MGMT: variants seen among roughly 807,000 people sequenced by gnomAD.
MGMT encodes the protein O-6-methylguanine-DNA methyltransferase.
Under a neutral mutation model 15.9 loss-of-function variants are expected in MGMT, and 14 were observed. The observed-to-expected ratio is 0.88, with a 90% CI of 0.58 to 1.37. MGMT has a LOEUF of 1.37. Among genes scored for constraint, MGMT ranks in the 40% most tolerant of loss-of-function variants. MGMT has a pLI of 0.00. For missense variants in MGMT, 282 were observed against 268.1 expected, an observed-to-expected ratio of 1.05 and a Z score of -0.36; for synonymous variants, 130 against 118.2, an observed-to-expected ratio of 1.10 and a Z score of -0.65.
At chr10:129,598,833 A>G (rs1846783963) in intron 2 of MGMT, among the ~76,000 whole-genome samples, 1 of 152,176 alleles carries the variant, frequency 6.6e-6, no homozygotes, top group African/African-American at 2.4e-5. Flanking sequence ...TGGCGTCAGT[A>G]GCTTCTGAGC....
chr10:129,479,234 T>A (rs951258502), intron 1 of MGMT, among the ~76,000 whole-genome samples: 1 of 143,152 alleles, frequency 7.0e-6, no homozygotes, highest in Admixed American at 6.8e-5. Context: ...TGGGGACATA[T>A]AATAATTGAT....
chr10:129,698,887 ACAGT>A (rs1208388719), intron 2 of MGMT, among the ~76,000 whole-genome samples: 2 of 151,394 alleles, frequency 1.3e-5, no homozygotes, highest in Admixed American at 6.6e-5. Context: ...CTATTAATCA[ACAGT>A]CAGGCACCGC....
chr10:129,508,129 A>T (rs1015206404), intron 1 of MGMT, among the ~76,000 whole-genome samples: 14 of 152,122 alleles, frequency 9.2e-5, no homozygotes, highest in Admixed American at 4.6e-4. Flanking sequence ...AGCAGTTCTC[A>T]GCCTGTAGGT....
intron 1 of MGMT, among the ~76,000 whole-genome samples, chr10:129,513,693 T>C (rs926362664): frequency 1.3e-5 from 2 of 152,224 alleles, no homozygotes; most frequent in Non-Finnish European, 2.9e-5. Context: ...TAGAATGTCT[T>C]GACTTTCTAA....
chr10:129,481,222 G>T (rs921772201), intron 1 of MGMT, among the ~76,000 whole-genome samples: 3 of 152,170 alleles, frequency 2.0e-5, no homozygotes, highest in Non-Finnish European at 4.4e-5. Context: ...AGCAGATGGG[G>T]GATGTTTTAC....
At position 129,620,807 on chromosome 10, in the gene MGMT, G is replaced by A. The variant is rs117269010; in HGVS notation, c.125+84430G>A. Among the ~76,000 whole-genome samples the A allele has an allele frequency of 4.5e-3, 680 of 152,222 alleles. 1 individual carries two copies. The highest frequency in any genetic ancestry group is 0.014 in the Middle Eastern group (4 of 294). Reference sequence around the variant, plus strand: ...TTTTAGTTAATGTACTCATCAATAGGTATGGGTTTAGTCTGCCGTTTTGCT... The same window carrying A: ...TTTTAGTTAATGTACTCATCAATAGATATGGGTTTAGTCTGCCGTTTTGCT... On this transcript the variant is annotated intron_variant, in intron 2 of 4. Transcript: ENST00000651593.
At chr10:129,698,974 C>G (rs1848064301) in intron 2 of MGMT, among the ~76,000 whole-genome samples, 1 of 152,168 alleles carries the variant, frequency 6.6e-6, no homozygotes, top group Non-Finnish European at 1.5e-5. Context: ...AAAGAAAACA[C>G]AAGTGCAGTA....
At chr10:129,689,956 G>GTCCT (rs1376997663) in intron 2 of MGMT, among the ~76,000 whole-genome samples, 1 of 152,228 alleles carries the variant, frequency 6.6e-6, no homozygotes, top group Non-Finnish European at 1.5e-5. Flanking sequence ...TTAAAATTGA[G>GTCCT]TCCTTGTGTG....
chr10:129,475,679 G>A lies in MGMT; in HGVS notation c.-13+8383G>A, dbSNP rs61859811. ...CACACTCCCAGTGCCTCTGCAGGCCGTCAGCCTCCAGCCCAGGCCAGCCTG... is the reference window on the plus strand; with the variant it reads ...CACACTCCCAGTGCCTCTGCAGGCCATCAGCCTCCAGCCCAGGCCAGCCTG... On this transcript the variant is annotated intron_variant, in intron 1 of 4. Coordinates refer to ENST00000651593, the MANE Select transcript of MGMT (RefSeq NM_002412.5). Among the ~76,000 whole-genome samples, 1,068 of 152,280 alleles carry A rather than the reference G, an allele frequency of 7.0e-3. 3 individuals carry two copies. Among genetic ancestry groups the A allele is most frequent in the Non-Finnish European group, 0.01 (691 of 68,012 alleles).
chr10:129,589,172 C>T (rs143215172), intron 2 of MGMT, among the ~76,000 whole-genome samples: 9 of 152,358 alleles, frequency 5.9e-5, no homozygotes, highest in East Asian at 1.9e-4. Context: ...CCAAGGAGGA[C>T]GTCATGGTGT....
chr10:129,603,153 A>T (rs1302249892), intron 2 of MGMT, among the ~76,000 whole-genome samples: 1 of 152,262 alleles, frequency 6.6e-6, no homozygotes. Flanking sequence ...TTTTTAAGTG[A>T]CAAGAACCAA....
At chr10:129,631,882 TTA>T (rs1361461307) in intron 2 of MGMT, among the ~76,000 whole-genome samples, 1 of 152,130 alleles carries the variant, frequency 6.6e-6, no homozygotes, top group African/African-American at 2.4e-5. Context: ...TAACTATTAT[TTA>T]TGTTTTATCA....
intron 2 of MGMT, among the ~76,000 whole-genome samples, chr10:129,654,710 G>GGCC (rs1847503998): frequency 6.6e-6 from 1 of 152,056 alleles, no homozygotes; most frequent in African/African-American, 2.4e-5. Flanking sequence ...TGAGGAAGGT[G>GGCC]GCCGGGGTCT....
intron 2 of MGMT, among the ~76,000 whole-genome samples, chr10:129,692,488 AC>A (rs1847980710): frequency 6.6e-6 from 1 of 152,134 alleles, no homozygotes; most frequent in Admixed American, 6.5e-5. Flanking sequence ...TTCCAATGAA[AC>A]TTTATTTACA....
intron 1 of MGMT, among the ~76,000 whole-genome samples, chr10:129,519,280 T>G (rs1845778232): frequency 6.6e-6 from 1 of 152,228 alleles, no homozygotes; most frequent in Non-Finnish European, 1.5e-5. Context: ...AAATGGAAAG[T>G]GCACTTTCAG....
chr10:129,599,664 CTTGT>C (rs1846794810), intron 2 of MGMT, among the ~76,000 whole-genome samples: 1 of 152,204 alleles, frequency 6.6e-6, no homozygotes, highest in Admixed American at 6.5e-5. Flanking sequence ...CAGACATATG[CTTGT>C]ACATGCTTTC....
intron 3 of MGMT, among the ~76,000 whole-genome samples, chr10:129,752,450 G>T (rs1163116553): frequency 6.6e-6 from 1 of 151,758 alleles, no homozygotes; most frequent in Non-Finnish European, 1.5e-5. Flanking sequence ...CTTTTCCTTG[G>T]CATGGTTAGA....
At chr10:129,613,504 G>T (rs1045536550) in intron 2 of MGMT, among the ~76,000 whole-genome samples, 2 of 152,190 alleles carry the variant, frequency 1.3e-5, no homozygotes, top group Admixed American at 6.5e-5. Context: ...ACCCTAGTCT[G>T]TCGGGAGGTC....
chr10:129,611,492 A>C (rs1302385623), intron 2 of MGMT, among the ~76,000 whole-genome samples: 2 of 152,238 alleles, frequency 1.3e-5, no homozygotes, highest in Non-Finnish European at 2.9e-5. Context: ...CCAAGACTGA[A>C]GATCACAAGT....
Sources: allele counts gnomAD v4.1 joint callset (sites outside exome capture counted in the v4.1 genomes callset), GRCh38; gene constraint gnomAD v4.1.1; transcripts MANE v1.5; gene names NCBI Gene and HGNC (gene_info 2026-07-23, HGNC 2026-07-21).